The following TBXAS1 variants were observed in gnomAD, a reference collection of about 807,000 sequenced individuals.
TBXAS1 encodes thromboxane A synthase 1.
TBXAS1 carries 48 observed loss-of-function variants against 60.7 expected under a neutral mutation model. The observed-to-expected ratio is 0.79, with a 90% CI of 0.63 to 1.01. TBXAS1 has a LOEUF of 1.01. Ranked by LOEUF, TBXAS1 falls within the 50% of genes least tolerant of loss-of-function variation. TBXAS1 has a pLI of 0.00. For missense variants in TBXAS1, 685 were observed against 686.3 expected, an observed-to-expected ratio of 1.00 and a Z score of 0.02; for synonymous variants, 287 against 269.7, an observed-to-expected ratio of 1.06 and a Z score of -0.63.
At chr7:139,831,812 A>T (rs1798719788) in intron 1 of TBXAS1, among the ~76,000 whole-genome samples, 1 of 152,164 alleles carries the variant, frequency 6.6e-6, no homozygotes, top group East Asian at 1.9e-4. Flanking sequence ...GGTGTCTGTA[A>T]TCCCAGCTAC....
chr7:139,823,847 C>T (rs887595147), intron 4 of TBXAS1, among the ~76,000 whole-genome samples: 2 of 152,176 alleles, frequency 1.3e-5, no homozygotes, highest in Non-Finnish European at 2.9e-5. Flanking sequence ...CCTGGGGTTG[C>T]TCTGAGGCTG....
intron 4 of TBXAS1, among the ~76,000 whole-genome samples, chr7:139,929,344 T>C (rs949063173): frequency 1.3e-5 from 2 of 152,082 alleles, no homozygotes; most frequent in East Asian, 3.9e-4. Flanking sequence ...TTGGCTGGGG[T>C]TAGACCACAC....
At chr7:139,985,746 G>A (rs1315100181) in intron 9 of TBXAS1, among the ~76,000 whole-genome samples, 1 of 152,198 alleles carries the variant, frequency 6.6e-6, no homozygotes, top group Non-Finnish European at 1.5e-5. Flanking sequence ...TCCCCATAAG[G>A]TGAGACCCAC....
At chr7:139,954,759 A>G (rs1427843297) in intron 6 of TBXAS1, among the ~76,000 whole-genome samples, 1 of 152,226 alleles carries the variant, frequency 6.6e-6, no homozygotes, top group Admixed American at 6.5e-5. Context: ...CTAAGAGGTT[A>G]AATTTTCTGG....
chr7:139,799,194 G>T (rs529029669), intron 4 of TBXAS1, among the ~76,000 whole-genome samples: 1 of 149,318 alleles, frequency 6.7e-6, no homozygotes, highest in Admixed American at 6.7e-5. Flanking sequence ...TTAGCCTCCC[G>T]AGAAGCTGAC....
At chr7:140,017,543 C>T in intron 11 of TBXAS1, 128 bp from the exon 12 acceptor site, 1 of 1,248,522 alleles carries the variant, frequency 8.0e-7, no homozygotes. Context: ...CAGGAATGAG[C>T]AGCCATCAGC....
chr7:139,783,713 C>A (rs1797073477), intron 3 of TBXAS1, among the ~76,000 whole-genome samples: 1 of 152,220 alleles, frequency 6.6e-6, no homozygotes, highest in Admixed American at 6.5e-5. Flanking sequence ...CTGTGCATTT[C>A]TGTACAGTGT....
In TBXAS1 at chr7:140,000,985, A is replaced by G. The variant is rs536798065; in HGVS notation, c.1135-6106A>G. Among the ~76,000 whole-genome samples, 4 of 152,376 alleles carry G rather than the reference A, an allele frequency of 2.6e-5. No homozygotes were observed. In the South Asian group the frequency reaches 8.3e-4, roughly 32 times the overall value. On this transcript the variant is annotated intron_variant, in intron 9 of 12. Coordinates refer to ENST00000448866, the MANE Select transcript of TBXAS1 (RefSeq NM_001061.7). ...TGCAAGATGGGTGGGACAGCATTAC[A>G]GACGAGGGGTCCTGTAGATACTGTC...
intron 1 of TBXAS1, among the ~76,000 whole-genome samples, chr7:139,869,786 T>A (rs1400558651): frequency 1.3e-5 from 2 of 152,204 alleles, no homozygotes; most frequent in Admixed American, 6.5e-5. Context: ...TCAACTTATC[T>A]TTTTGGTGGT....
At chr7:139,941,456 A>C (rs1808287731) in intron 5 of TBXAS1, among the ~76,000 whole-genome samples, 1 of 150,822 alleles carries the variant, frequency 6.6e-6, no homozygotes. Context: ...GGCCTATGTC[A>C]TACCAGGGAT....
At chr7:139,854,626 TGAA>T (rs1276819324) in intron 1 of TBXAS1, among the ~76,000 whole-genome samples, 2 of 152,114 alleles carry the variant, frequency 1.3e-5, no homozygotes, top group African/African-American at 4.8e-5. Flanking sequence ...GGAGTAAGAA[TGAA>T]GAACTCACTC....
At chr7:140,011,244 T>TCC (rs1219723333) in intron 10 of TBXAS1, among the ~76,000 whole-genome samples, 1 of 149,110 alleles carries the variant, frequency 6.7e-6, no homozygotes, top group Non-Finnish European at 1.5e-5. Context: ...GCCACTGCAC[T>TCC]CCACCCTGGG....
rs141719739 is a variant in TBXAS1 at position 139,842,528 on chromosome 7, G to A, written c.89+13049G>A. ...TGTTTTTTGGTTGCCGGAATAACATGCATCTGGACATGGGAATGAGACTGG... is the reference window on the plus strand; with the variant it reads ...TGTTTTTTGGTTGCCGGAATAACATACATCTGGACATGGGAATGAGACTGG... On this transcript the variant is annotated intron_variant, in intron 1 of 12. Transcript: ENST00000448866. Among the ~76,000 whole-genome samples the A allele has an allele frequency of 2.6e-5, 4 of 152,336 alleles. No individual in the cohort carries two copies. The East Asian group carries it at 7.7e-4, about 29-fold the overall frequency.
intron 3 of TBXAS1, among the ~76,000 whole-genome samples, chr7:139,891,536 T>C (rs1012720515): frequency 1.3e-5 from 2 of 152,224 alleles, no homozygotes; most frequent in African/African-American, 4.8e-5. Context: ...TTCCACTGCC[T>C]CTTCTTGCTG....
At chr7:139,940,046 C>T (rs978026287) in intron 5 of TBXAS1, among the ~76,000 whole-genome samples, 3 of 152,230 alleles carry the variant, frequency 2.0e-5, no homozygotes, top group Non-Finnish European at 4.4e-5. Context: ...CTGAGGAAGA[C>T]AGTAGGTGCC....
At chr7:139,788,791 G>A (rs1797282803) in intron 4 of TBXAS1, among the ~76,000 whole-genome samples, 1 of 152,254 alleles carries the variant, frequency 6.6e-6, no homozygotes, top group South Asian at 2.1e-4. Flanking sequence ...CCAGACTGGG[G>A]CCAGGTGTTA....
intron 8 of TBXAS1, among the ~76,000 whole-genome samples, chr7:139,959,097 A>G (rs2117360722): frequency 6.6e-6 from 1 of 152,230 alleles, no homozygotes; most frequent in Non-Finnish European, 1.5e-5. Context: ...GCATCGAATG[A>G]CTTACTAAGA....
chr7:139,970,785 A>C (rs578109537), intron 9 of TBXAS1, among the ~76,000 whole-genome samples: 1 of 152,016 alleles, frequency 6.6e-6, no homozygotes, highest in East Asian at 1.9e-4. Flanking sequence ...GGAGCTTTTG[A>C]GGTGATTTAA....
At chr7:139,803,781 C>T (rs541910240) in intron 4 of TBXAS1, among the ~76,000 whole-genome samples, 1 of 152,176 alleles carries the variant, frequency 6.6e-6, no homozygotes, top group Non-Finnish European at 1.5e-5. Context: ...AGTCCCAAAT[C>T]TTAGCAGCTT....
Sources: allele counts gnomAD v4.1 joint callset (sites outside exome capture counted in the v4.1 genomes callset), GRCh38; gene constraint gnomAD v4.1.1; transcripts MANE v1.5; gene names NCBI Gene and HGNC (gene_info 2026-07-23, HGNC 2026-07-21).